MUC5B: variants seen among roughly 807,000 people sequenced by gnomAD.
MUC5B encodes the protein mucin 5B, oligomeric mucus/gel-forming.
In MUC5B, 116 loss-of-function variants were observed where a neutral mutation model predicts 376.9. The observed-to-expected ratio is 0.31, with a 90% CI of 0.26 to 0.36. The LOEUF is 0.36. Ranked by LOEUF, MUC5B falls within the 10% of genes least tolerant of loss-of-function variation. MUC5B has a pLI of 1.00. For missense variants in MUC5B, 7,165 were observed against 7,769.9 expected (o/e 0.92, Z 2.93); for synonymous variants, 3,517 against 3,390.9 (o/e 1.04, Z -1.29).
In MUC5B at chr11:1,243,786, A is replaced by T; in HGVS notation, c.6906A>T (p.Thr2302=). ...CGACCCTGCTGCCCAGCAGCCCCAC[A>T]TCGGCCCCCATAACCACGGTGGTGA... The part of the protein sequence containing the change: ...RTSTLLPSSP[T]SAPITTVVTM... Residue 2302 remains threonine, a synonymous_variant, in exon 31 of 49, where the codon ACA becomes ACT. Coordinates refer to ENST00000529681, the MANE Select transcript of MUC5B (RefSeq NM_002458.3). The T allele has an allele frequency of 6.2e-7, 1 of 1,611,600 alleles. No homozygotes were observed. The highest frequency in any genetic ancestry group is 8.5e-7 in the Non-Finnish European group (1 of 1,179,610).
Position 1,226,829 on chromosome 11 carries a change from G to A in MUC5B, c.414G>A (p.Gly138=), listed in dbSNP as rs1401751478. Residue 138 remains glycine, a synonymous_variant, in exon 4 of 49, where the codon GGG becomes GGA. Transcript: ENST00000529681. ...CCCGTGTTGTCATCAAGGCCCAGGG[G>A]CTGGTGCTGGAGGCGTCCAACGGCT... ...VVTRVVIKAQ[G]LVLEASNGSV... 5 of 1,610,100 alleles carry A rather than the reference G, an allele frequency of 3.1e-6. No individual in the cohort carries two copies. The highest frequency in any genetic ancestry group is 2.2e-5 in the East Asian group (1 of 44,866).
At chr11:1,252,193 C>A in intron 31 of MUC5B, 150 bp from the exon 32 acceptor site, 1 of 731,402 alleles carries the variant, frequency 1.4e-6, no homozygotes, top group Non-Finnish European at 2.2e-6. Flanking sequence ...ACACTTGGTC[C>A]CCACTGGCCA....
At chr11:1,226,559 A>T (rs985603497) in intron 3 of MUC5B, 56 bp from the exon 4 acceptor site, 1 of 1,557,030 alleles carries the variant, frequency 6.4e-7, no homozygotes, top group Non-Finnish European at 8.7e-7. Flanking sequence ...GGCCCAGGGG[A>T]GGCTACCCCG....
rs1862947731 is a variant in MUC5B, at chr11:1,259,745, T to C, written c.16714-11T>C. 6.2e-7 allele frequency: 1 copy of C among 1,612,024 alleles called. No individual in the cohort carries two copies. The highest frequency in any genetic ancestry group is 8.5e-7 in the Non-Finnish European group (1 of 1,179,508). On this transcript the variant is annotated splice_polypyrimidine_tract_variant and intron_variant, in intron 44 of 48. Coordinates refer to ENST00000529681, the MANE Select transcript of MUC5B (RefSeq NM_002458.3). ...GAGGGTTAGGGCCTGACGCCCCTCA[T>C]GTCCCCACAGGGCTTTGAGTACAAG...
chr11:1,242,184 A>G lies in MUC5B; in HGVS notation c.5304A>G (p.Thr1768=). The stretch of plus-strand genomic sequence containing the variant: ...CCAGCACGCCCAGGACAGAGACGAC[A>G]ATGAGCCCCTTGACTAACACCACCA... ...AETSTPRTET[T]MSPLTNTTTS... Residue 1768 remains threonine, a synonymous_variant, in exon 31 of 49, where the codon ACA becomes ACG. Transcript: ENST00000529681. The G allele has an allele frequency of 6.2e-7, 1 of 1,613,556 alleles. No homozygotes were observed. Among genetic ancestry groups the G allele is most frequent in the Middle Eastern group, 1.7e-4 (1 of 6,060 alleles).
Position 1,254,800 on chromosome 11 carries a change from T to G in MUC5B, c.15584T>G (p.Val5195Gly). 6.2e-7 allele frequency: 1 copy of G among 1,612,764 alleles called. No homozygotes were observed. The highest frequency in any genetic ancestry group is 8.5e-7 in the Non-Finnish European group (1 of 1,179,808). Residue 5195 changes from valine (V) to glycine (G), a missense_variant, in exon 35 of 49, where the codon GTG becomes GGG. By Grantham distance (109) the Val-to-Gly change is moderately radical. Around this residue, in one of 31 missense-constraint regions of MUC5B, gnomAD observed 842 missense variants for 1,016.9 expected, o/e 0.83. Coordinates refer to ENST00000529681, the MANE Select transcript of MUC5B (RefSeq NM_002458.3). The stretch of plus-strand genomic sequence containing the variant: ...CGTGTGGACATTCCTGCCCTGGGCG[T>G]GAGCGTCACCTTCAATGGCCAAGTC... ...TMRVDIPALG[V>G]SVTFNGQVFQ...
At chr11:1,261,360 C>T in intron 48 of MUC5B, 29 bp from the exon 49 acceptor site, 1 of 1,528,984 alleles carries the variant, frequency 6.5e-7, no homozygotes, top group South Asian at 1.2e-5. Context: ...GCCAAGGTGG[C>T]TGATGTGAGG....
Sources: gnomAD v4.1 joint callset for allele counts on GRCh38, gnomAD v4.1.1 for gene constraint, gnomAD v4.1.1 regional missense constraint, MANE v1.5 for transcripts, NCBI Gene and HGNC (gene_info 2026-07-23, HGNC 2026-07-21) for gene names.